Variants in SGCD observed in about 807,000 individuals in gnomAD.
The protein encoded by SGCD is delta-sarcoglycan.
SGCD carries 18 observed loss-of-function variants against 36.6 expected under a neutral mutation model. That is an observed-to-expected ratio of 0.49 (90% CI 0.34 to 0.73). The LOEUF (loss-of-function observed/expected upper bound fraction) is 0.73, where lower values mean the gene tolerates loss of function less well. SGCD is among the 30% of genes least tolerant of loss of function. SGCD has a pLI of 0.01. For synonymous variants in SGCD, 133 were observed against 130.6 expected, an observed-to-expected ratio of 1.02 and a Z score of -0.12; for missense variants, 387 against 346.7, an observed-to-expected ratio of 1.12 and a Z score of -0.92.
At chr5:156,614,307 C>T (rs904143375) in intron 6 of SGCD, among the ~76,000 whole-genome samples, 3 of 152,146 alleles carry the variant, frequency 2.0e-5, no homozygotes, top group Non-Finnish European at 4.4e-5. Context: ...ATAACTTGTC[C>T]AAAGTTCCAC....
chr5:156,746,511 T>C (rs1438453024), intron 7 of SGCD, among the ~76,000 whole-genome samples: 1 of 152,190 alleles, frequency 6.6e-6, no homozygotes, highest in East Asian at 1.9e-4. Context: ...ACTAAGAGAA[T>C]TAAGACAGCC....
intron 3 of SGCD, among the ~76,000 whole-genome samples, chr5:156,213,595 G>T (rs962442529): frequency 6.6e-6 from 1 of 151,914 alleles, no homozygotes; most frequent in African/African-American, 2.4e-5. Context: ...CTGAAGAAGG[G>T]CTACTTTCAA....
intron 4 of SGCD, among the ~76,000 whole-genome samples, chr5:156,554,319 C>A (rs1312087717): frequency 6.7e-6 from 1 of 149,448 alleles, no homozygotes; most frequent in Non-Finnish European, 1.5e-5. Context: ...CACGCCACTG[C>A]ACTCCAGCCT....
chr5:156,493,613 G>A (rs772353488), intron 3 of SGCD, among the ~76,000 whole-genome samples: 1 of 152,128 alleles, frequency 6.6e-6, no homozygotes, highest in Non-Finnish European at 1.5e-5. Flanking sequence ...TGGTAGGAAA[G>A]CTGTGGGTAA....
chr5:155,746,657 C>T, the SGCD span, among the ~76,000 whole-genome samples: 2 of 152,100 alleles, frequency 1.3e-5, no homozygotes, highest in Non-Finnish European at 2.9e-5. Flanking sequence ...CATCTGCCCA[C>T]CTAGTTCCTG....
Position 156,647,367 on chromosome 5 carries a change from T to G in SGCD, c.503-97T>G, listed in dbSNP as rs1316811270. On this transcript the variant is annotated intron_variant, in intron 6 of 8. Transcript: ENST00000337851. ...AATATGTGGGTATGGGGTTGTGTAA[T>G]GGATTCGCTGCATTTAGCTCCAATC... 4.5e-5 allele frequency: 34 copies of G among 756,240 alleles called. 1 individual carries two copies. In the South Asian group the frequency reaches 4.9e-4, roughly 11 times the overall value. 46.8% of individuals were successfully genotyped at this position (756,240 alleles called of 1,614,324 possible). A position where few individuals can be genotyped will look rare whatever the true frequency, so the allele number is the denominator to read the frequency against.
At chr5:155,897,664 A>AT (rs1194553676) in intron 1 of SGCD, among the ~76,000 whole-genome samples, 2 of 151,942 alleles carry the variant, frequency 1.3e-5, no homozygotes, top group East Asian at 3.8e-4. Context: ...TATTTCTAAA[A>AT]TTTTTAATTT....
In SGCD at chr5:156,231,392, C is replaced by T. The variant is rs552642841; in HGVS notation, c.-43-98142C>T. Among the ~76,000 whole-genome samples, 16 of 152,062 alleles carry T rather than the reference C, an allele frequency of 1.1e-4. 1 individual carries two copies. The East Asian group carries it at 1.2e-3, about 11-fold the overall frequency. ...TCTACTAAAAATACAAAAAATTAGC[C>T]GGGCATGGTGGCACGTGCTTGTAAT... On this transcript the variant is annotated intron_variant, in intron 3 of 9. Coordinates refer to the SGCD transcript ENST00000517913.
intron 3 of SGCD, among the ~76,000 whole-genome samples, chr5:156,313,113 C>T (rs866696603): frequency 2.0e-5 from 3 of 152,006 alleles, no homozygotes; most frequent in Middle Eastern, 3.2e-3. Context: ...TTTGCCTCCT[C>T]TTTCTTCTTT....
chr5:156,752,084 G>C (rs749965857), intron 7 of SGCD, among the ~76,000 whole-genome samples: 5 of 152,160 alleles, frequency 3.3e-5, no homozygotes, highest in Non-Finnish European at 7.4e-5. Flanking sequence ...TAGGGAAATG[G>C]AATAAATTAC....
the SGCD span, among the ~76,000 whole-genome samples, chr5:155,762,225 C>T: frequency 6.6e-6 from 1 of 152,056 alleles, no homozygotes; most frequent in Non-Finnish European, 1.5e-5. Flanking sequence ...CAAGGCCTGA[C>T]AGATGTGAAT....
chr5:155,794,014 G>A, the SGCD span, among the ~76,000 whole-genome samples: 1 of 151,894 alleles, frequency 6.6e-6, no homozygotes, highest in Non-Finnish European at 1.5e-5. Context: ...AAATACCTGG[G>A]AGGGAGTGTT....
At chr5:156,745,963 ACATAT>A (rs1403395789) in intron 7 of SGCD, among the ~76,000 whole-genome samples, 2 of 152,048 alleles carry the variant, frequency 1.3e-5, no homozygotes, top group African/African-American at 4.8e-5. Context: ...GTTTTCAAAG[ACATAT>A]CAGGTGAGTA....
chr5:155,788,552 T>C, the SGCD span, among the ~76,000 whole-genome samples: 1 of 152,182 alleles, frequency 6.6e-6, no homozygotes, highest in African/African-American at 2.4e-5. Context: ...ATGTGTATGC[T>C]AGGTTATAGA....
chr5:156,424,784 T>G (rs1337910461), intron 3 of SGCD, among the ~76,000 whole-genome samples: 1 of 151,998 alleles, frequency 6.6e-6, no homozygotes, highest in Non-Finnish European at 1.5e-5. Context: ...AAAAGGTGCA[T>G]GGGGCACCTT....
At position 156,765,698 on chromosome 5, in the gene SGCD, A is replaced by G. The variant is rs954248896; in HGVS notation, c.*6308A>G. On this transcript the variant is annotated 3_prime_UTR_variant, in exon 9 of 9. Coordinates refer to ENST00000337851, the MANE Select transcript of SGCD (RefSeq NM_000337.6). ...TATTCGGATGTGAAAACTGAGGCTT[A>G]TAGTGGCTAAGAAACTTGCCCAAAG... The G allele has an allele frequency of 6.6e-6, 1 of 152,180 alleles. No individual in the cohort carries two copies. Among genetic ancestry groups the G allele is most frequent in the Non-Finnish European group, 1.5e-5 (1 of 68,018 alleles). 9.4% of individuals were successfully genotyped at this position (152,180 alleles called of 1,614,324 possible).
At chr5:156,749,507 T>C (rs1156425900) in intron 7 of SGCD, among the ~76,000 whole-genome samples, 1 of 151,964 alleles carries the variant, frequency 6.6e-6, no homozygotes, top group Non-Finnish European at 1.5e-5. Flanking sequence ...CTGGCAGTAC[T>C]GTTCAAGGCA....
At chr5:156,619,764 T>G (rs998012957) in intron 6 of SGCD, among the ~76,000 whole-genome samples, 3 of 152,212 alleles carry the variant, frequency 2.0e-5, no homozygotes, top group African/African-American at 7.2e-5. Context: ...TTAACTTTGT[T>G]CTCCTTTATT....
intron 3 of SGCD, among the ~76,000 whole-genome samples, chr5:156,199,999 ATAGTGTGATG>A (rs1378652614): frequency 6.6e-6 from 1 of 152,240 alleles, no homozygotes; most frequent in East Asian, 1.9e-4. Flanking sequence ...CCCTGTTAAC[ATAGTGTGATG>A]TAGAAGAAAT....
Sources: allele counts gnomAD v4.1 joint callset (sites outside exome capture counted in the v4.1 genomes callset), GRCh38; gene constraint gnomAD v4.1.1; transcripts MANE v1.5; gene names NCBI Gene and HGNC (gene_info 2026-07-23, HGNC 2026-07-21).